SLC2A12: variants seen among roughly 807,000 people sequenced by gnomAD.
SLC2A12 encodes the protein solute carrier family 2 member 12, also known as solute carrier family 2, facilitated glucose transporter member 12.
SLC2A12 carries 23 observed loss-of-function variants against 41.8 expected under a neutral mutation model. The ratio of observed to expected loss-of-function variants is 0.55; its 90% CI spans 0.40 to 0.78. SLC2A12 has a LOEUF of 0.78. SLC2A12 is among the 30% of genes least tolerant of loss of function. The probability of loss-of-function intolerance (pLI) is 0.00; values close to 1 mark genes in which losing one functional copy is unlikely to be tolerated. For synonymous variants in SLC2A12, 295 were observed against 285.9 expected (o/e 1.03, Z -0.32); for missense variants, 654 against 745.6 (o/e 0.88, Z 1.43).
chr6:134,026,712 A>T (rs1332783361), intron 2 of SLC2A12, among the ~76,000 whole-genome samples: 1 of 152,212 alleles, frequency 6.6e-6, no homozygotes, highest in Non-Finnish European at 1.5e-5. Context: ...TGTTTACTCT[A>T]TCTGCCCAAG....
intron 2 of SLC2A12, 150 bp downstream of exon 2, chr6:134,028,231 T>A: frequency 9.5e-7 from 1 of 1,048,786 alleles, no homozygotes; most frequent in Non-Finnish European, 1.4e-6. Context: ...CAGAAGCAGA[T>A]ATAAGCCAAG....
intron 1 of SLC2A12, among the ~76,000 whole-genome samples, 162 bp downstream of exon 1, chr6:134,052,216 A>T (rs1022123815): frequency 3.3e-5 from 4 of 121,368 alleles, no homozygotes; most frequent in African/African-American, 1.3e-4. Context: ...CCTTCTCTCC[A>T]CTCATCCAGC....
intron 1 of SLC2A12, among the ~76,000 whole-genome samples, chr6:134,032,844 TA>T (rs1284854373): frequency 1.4e-5 from 2 of 143,970 alleles, no homozygotes; most frequent in East Asian, 2.0e-4. Context: ...TATTTATATA[TA>T]AATATATATT....
chr6:133,994,003 G>A (rs1776654089), intron 4 of SLC2A12, among the ~76,000 whole-genome samples: 1 of 152,204 alleles, frequency 6.6e-6, no homozygotes, highest in Non-Finnish European at 1.5e-5. Flanking sequence ...TGGCCACTGT[G>A]TAGAGAACTG....
chr6:134,003,487 G>A (rs570032027), intron 3 of SLC2A12, among the ~76,000 whole-genome samples: 5 of 152,298 alleles, frequency 3.3e-5, no homozygotes, highest in Middle Eastern at 3.4e-3. Context: ...AAATAGTTGC[G>A]TCTGCTAAAA....
intron 1 of SLC2A12, among the ~76,000 whole-genome samples, chr6:134,041,182 T>A (rs887304269): frequency 1.3e-5 from 2 of 152,218 alleles, no homozygotes; most frequent in African/African-American, 4.8e-5. Context: ...AACAAACTTC[T>A]AGAGTGCATT....
chr6:134,045,760 G>A (rs935657654), intron 1 of SLC2A12, among the ~76,000 whole-genome samples: 1 of 152,192 alleles, frequency 6.6e-6, no homozygotes, highest in Non-Finnish European at 1.5e-5. Flanking sequence ...TTTAACAAAA[G>A]CTCCTTTAAT....
At chr6:134,032,826 T>G in intron 1 of SLC2A12, among the ~76,000 whole-genome samples, 1 of 141,398 alleles carries the variant, frequency 7.1e-6, no homozygotes, top group East Asian at 2.0e-4. Context: ...TATATATAAA[T>G]TATATATTAT....
At chr6:134,003,179 G>C (rs1405588431) in intron 3 of SLC2A12, among the ~76,000 whole-genome samples, 1 of 152,196 alleles carries the variant, frequency 6.6e-6, no homozygotes. Flanking sequence ...ACTACTTGTC[G>C]GTGAGTTGTG....
At chr6:134,013,798 T>C (rs1776920320) in intron 2 of SLC2A12, among the ~76,000 whole-genome samples, 1 of 152,226 alleles carries the variant, frequency 6.6e-6, no homozygotes, top group Non-Finnish European at 1.5e-5. Context: ...TTATCTAGGC[T>C]TTAGACTCAT....
At chr6:134,036,994 T>C (rs920581369) in intron 1 of SLC2A12, among the ~76,000 whole-genome samples, 9 of 152,086 alleles carry the variant, frequency 5.9e-5, no homozygotes, top group African/African-American at 1.7e-4. Context: ...TTCCATAACA[T>C]TCTCCAGGCA....
At chr6:134,010,652 T>C (rs146399877) in intron 2 of SLC2A12, among the ~76,000 whole-genome samples, 229 of 152,278 alleles carry the variant, frequency 1.5e-3, no homozygotes, top group Middle Eastern at 0.01. Flanking sequence ...TTTACAGAGA[T>C]GAAACTCATA....
intron 2 of SLC2A12, among the ~76,000 whole-genome samples, chr6:134,010,996 C>T (rs1409324483): frequency 6.6e-6 from 1 of 152,104 alleles, no homozygotes; most frequent in African/African-American, 2.4e-5. Flanking sequence ...GGCTTGAGTC[C>T]TTCCTAAACC....
intron 4 of SLC2A12, among the ~76,000 whole-genome samples, chr6:134,000,431 A>C (rs1395553292): frequency 2.0e-5 from 3 of 152,238 alleles, no homozygotes; most frequent in African/African-American, 7.2e-5. Flanking sequence ...TTCACCTATC[A>C]GGTTTATTCT....
chr6:134,009,812 T>A (rs1325957145), intron 2 of SLC2A12, among the ~76,000 whole-genome samples: 2 of 149,128 alleles, frequency 1.3e-5, no homozygotes, highest in African/African-American at 4.9e-5. Context: ...ACCACTGCAC[T>A]CTAGCCTGAG....
chr6:134,014,663 A>T (rs1562195187), intron 2 of SLC2A12, among the ~76,000 whole-genome samples: 4 of 152,208 alleles, frequency 2.6e-5, no homozygotes, highest in African/African-American at 9.6e-5. Flanking sequence ...ACACGTGAAT[A>T]CTTGTGTTTA....
chr6:134,007,518 A>G (rs907290073), intron 2 of SLC2A12, among the ~76,000 whole-genome samples: 3 of 152,244 alleles, frequency 2.0e-5, no homozygotes, highest in African/African-American at 7.2e-5. Flanking sequence ...TAGAGCTCCA[A>G]GATTTGATTA....
rs1342154029 is a variant in SLC2A12 at position 133,989,709 on chromosome 6, A to G, written c.*1446T>C. The G allele has an allele frequency of 6.6e-6, 1 of 152,154 alleles. No individual in the cohort carries two copies. Among genetic ancestry groups the G allele is most frequent in the African/African-American group, 2.4e-5 (1 of 41,434 alleles). The allele number at this position is 152,154 out of a possible 1,614,324, so 9.4% of individuals were successfully genotyped here. A position where few individuals can be genotyped will look rare whatever the true frequency, so the allele number is the denominator to read the frequency against. ...CCTGAGTCTCTGATATAGTTTTACTACTTACATAGGTTTATAGTCTCTCCA... is the reference window on the plus strand; with the variant it reads ...CCTGAGTCTCTGATATAGTTTTACTGCTTACATAGGTTTATAGTCTCTCCA... On this transcript the variant is annotated 3_prime_UTR_variant, in exon 5 of 5. Coordinates refer to ENST00000275230, the MANE Select transcript of SLC2A12 (RefSeq NM_145176.3).
chr6:134,030,710 A>G (rs552744513), intron 1 of SLC2A12, among the ~76,000 whole-genome samples: 33 of 152,340 alleles, frequency 2.2e-4, no homozygotes, highest in Admixed American at 4.6e-4. Flanking sequence ...CAGATGGCCA[A>G]CATATAACAT....
Sources: gnomAD v4.1 joint callset for allele counts (sites outside exome capture counted in the v4.1 genomes callset) on GRCh38, gnomAD v4.1.1 for gene constraint, MANE v1.5 for transcripts, NCBI Gene and HGNC (gene_info 2026-07-23, HGNC 2026-07-21) for gene names.